The following ENOX1 variants were observed in gnomAD, a reference collection of about 807,000 sequenced individuals.
ENOX1 encodes ecto-NOX disulfide-thiol exchanger 1.
Under a neutral mutation model 82.5 loss-of-function variants are expected in ENOX1, and 42 were observed. That is an observed-to-expected ratio of 0.51 (90% CI 0.40 to 0.66). The LOEUF (loss-of-function observed/expected upper bound fraction) is 0.66, where lower values mean the gene tolerates loss of function less well. Among genes scored for constraint, ENOX1 ranks in the 30% least tolerant of loss-of-function variants. The pLI is 0.00. For missense variants in ENOX1, 608 were observed against 811.6 expected (o/e 0.75, Z 3.05); for synonymous variants, 271 against 282.2 (o/e 0.96, Z 0.40).
At chr13:43,650,690 C>A (rs979909210) in intron 2 of ENOX1, among the ~76,000 whole-genome samples, 2 of 152,018 alleles carry the variant, frequency 1.3e-5, no homozygotes, top group African/African-American at 4.8e-5. Context: ...ACACAAAAAT[C>A]AACCAGGCAC....
At chr13:43,257,201 ACACTT>A (rs1263224940) in intron 14 of ENOX1, among the ~76,000 whole-genome samples, 1 of 152,186 alleles carries the variant, frequency 6.6e-6, no homozygotes, top group Non-Finnish European at 1.5e-5. Flanking sequence ...GTGCAGGAAT[ACACTT>A]AGATAGGATA....
At chr13:43,515,813 G>A (rs2077539079) in intron 2 of ENOX1, among the ~76,000 whole-genome samples, 1 of 151,726 alleles carries the variant, frequency 6.6e-6, no homozygotes, top group South Asian at 2.1e-4. Context: ...CCTCCAGGAT[G>A]TCCTGCTCCA....
At chr13:43,576,208 T>C (rs2080414788) in intron 2 of ENOX1, among the ~76,000 whole-genome samples, 1 of 152,172 alleles carries the variant, frequency 6.6e-6, no homozygotes, top group Admixed American at 6.5e-5. Flanking sequence ...ACTGTTGTAA[T>C]AGGACAACAG....
At chr13:43,519,892 A>G (rs2077696829) in intron 2 of ENOX1, among the ~76,000 whole-genome samples, 1 of 152,136 alleles carries the variant, frequency 6.6e-6, no homozygotes, top group Non-Finnish European at 1.5e-5. Context: ...AGACTGCAGA[A>G]TTGGTCTGGA....
At chr13:43,483,135 A>G (rs958880117) in intron 3 of ENOX1, among the ~76,000 whole-genome samples, 2 of 152,226 alleles carry the variant, frequency 1.3e-5, no homozygotes, top group African/African-American at 4.8e-5. Flanking sequence ...CCACCAAATG[A>G]AATAAATGCC....
chr13:43,686,548 T>C lies in ENOX1; in HGVS notation c.-284-19004A>G, dbSNP rs777214383. ...AAAAGGAGGTTCTGAACTCGAACCA[T>C]ATGAATGTTGACCCACAAAGACCAG... On this transcript the variant is annotated intron_variant, in intron 1 of 16. Coordinates refer to ENST00000690772, the MANE Select transcript of ENOX1 (RefSeq NM_001347969.2). Among the ~76,000 whole-genome samples, 108 of 152,338 alleles carry C rather than the reference T, an allele frequency of 7.1e-4. 1 individual carries two copies. The Middle Eastern group carries it at 0.024, about 34-fold the overall frequency.
At chr13:43,742,701 G>T (rs1262401639) in intron 1 of ENOX1, among the ~76,000 whole-genome samples, 1 of 152,160 alleles carries the variant, frequency 6.6e-6, no homozygotes, top group African/African-American at 2.4e-5. Flanking sequence ...AGAGATAATG[G>T]TGGCTCAACC....
At chr13:43,427,664 A>G (rs914184186) in intron 3 of ENOX1, among the ~76,000 whole-genome samples, 1 of 152,218 alleles carries the variant, frequency 6.6e-6, no homozygotes, top group African/African-American at 2.4e-5. Flanking sequence ...CAAGAACGTA[A>G]TAGTGAACAA....
intron 15 of ENOX1, among the ~76,000 whole-genome samples, chr13:43,226,164 T>C (rs1477306110): frequency 6.6e-6 from 1 of 152,194 alleles, no homozygotes; most frequent in Non-Finnish European, 1.5e-5. Flanking sequence ...TTCTAAGTAA[T>C]TCTATTACTA....
At chr13:43,498,833 T>C (rs9594963) in intron 2 of ENOX1, among the ~76,000 whole-genome samples, 35,605 of 151,978 alleles carry the variant, frequency 0.23, 4,369 homozygotes, top group Middle Eastern at 0.3. Context: ...ACAATTCTTT[T>C]ATATTCTTCC....
At chr13:43,468,269 C>T (rs1308102130) in intron 3 of ENOX1, among the ~76,000 whole-genome samples, 8 of 150,384 alleles carry the variant, frequency 5.3e-5, no homozygotes, top group African/African-American at 2.0e-4. Flanking sequence ...GCAACCTCCG[C>T]CTCCTGGGTT....
At chr13:43,434,689 T>C (rs2055884522) in intron 3 of ENOX1, among the ~76,000 whole-genome samples, 2 of 152,316 alleles carry the variant, frequency 1.3e-5, no homozygotes, top group Admixed American at 6.5e-5. Context: ...GGCAGTTTCA[T>C]GTAGTTCAAC....
At chr13:43,389,667 C>T (rs894024789) in intron 5 of ENOX1, among the ~76,000 whole-genome samples, 2 of 152,132 alleles carry the variant, frequency 1.3e-5, no homozygotes, top group Non-Finnish European at 2.9e-5. Context: ...GTCCCATTTT[C>T]TAATGAGGAA....
At chr13:43,296,365 G>C (rs9316008) in intron 12 of ENOX1, among the ~76,000 whole-genome samples, 44,474 of 151,990 alleles carry the variant, frequency 0.29, 6,933 homozygotes, top group East Asian at 0.58. Flanking sequence ...TGAAGGCAGA[G>C]AGCAGGGTGA....
chr13:43,273,971 C>T (rs1369040602), intron 12 of ENOX1, among the ~76,000 whole-genome samples: 1 of 152,108 alleles, frequency 6.6e-6, no homozygotes, highest in Non-Finnish European at 1.5e-5. Context: ...GCTCTTGTTT[C>T]CCCACTTCTA....
chr13:43,564,859 A>G (rs1438019770), intron 2 of ENOX1, among the ~76,000 whole-genome samples: 1 of 152,132 alleles, frequency 6.6e-6, no homozygotes, highest in Admixed American at 6.6e-5. Context: ...ACAAATGGGA[A>G]GGCAGAGTAA....
At chr13:43,512,918 G>C (rs1404160129) in intron 2 of ENOX1, among the ~76,000 whole-genome samples, 1 of 152,026 alleles carries the variant, frequency 6.6e-6, no homozygotes, top group Non-Finnish European at 1.5e-5. Flanking sequence ...TCAAGTATTG[G>C]GTTAGATGCC....
chr13:43,518,318 A>G (rs1348353147), intron 2 of ENOX1, among the ~76,000 whole-genome samples: 3 of 152,038 alleles, frequency 2.0e-5, no homozygotes, highest in Non-Finnish European at 4.4e-5. Context: ...TAGGTGAGAT[A>G]CGTGGGTCTC....
chr13:43,641,527 TA>T (rs1292420507), intron 2 of ENOX1, among the ~76,000 whole-genome samples: 3 of 106,792 alleles, frequency 2.8e-5, no homozygotes, highest in African/African-American at 6.7e-5. Flanking sequence ...CATTAATTTT[TA>T]ATTTTTTTTT....
Sources: gnomAD v4.1 joint callset for allele counts (sites outside exome capture counted in the v4.1 genomes callset) on GRCh38, gnomAD v4.1.1 for gene constraint, MANE v1.5 for transcripts, NCBI Gene and HGNC (gene_info 2026-07-23, HGNC 2026-07-21) for gene names.